PTPRN2: variants seen among roughly 807,000 people sequenced by gnomAD.
The protein encoded by PTPRN2 is protein tyrosine phosphatase receptor type N2.
Under a neutral mutation model 118.8 loss-of-function variants are expected in PTPRN2, and 74 were observed. The ratio of observed to expected loss-of-function variants is 0.62; its 90% confidence interval spans 0.52 to 0.76. The LOEUF is 0.76. PTPRN2 is among the 30% of genes least tolerant of loss of function. The probability of loss-of-function intolerance (pLI) is 0.00; values close to 1 mark genes in which losing one functional copy is unlikely to be tolerated. For synonymous variants in PTPRN2, 641 were observed against 608.0 expected (o/e 1.05, Z -0.80); for missense variants, 1,481 against 1,394.4 (o/e 1.06, Z -0.99).
At chr7:158,168,135 G>T (rs1361637700) in intron 5 of PTPRN2, among the ~76,000 whole-genome samples, 1 of 152,206 alleles carries the variant, frequency 6.6e-6, no homozygotes, top group Non-Finnish European at 1.5e-5. Flanking sequence ...CAGTTCCTCT[G>T]CATCTTTGCC....
intron 10 of PTPRN2, among the ~76,000 whole-genome samples, chr7:158,085,591 G>C (rs1425591386): frequency 1.1e-4 from 7 of 63,948 alleles, no homozygotes; most frequent in South Asian, 6.5e-4. Context: ...CGCCCATCCA[G>C]ATACCCATCC....
chr7:157,621,891 C>T (rs999827558), intron 14 of PTPRN2, among the ~76,000 whole-genome samples: 6 of 151,908 alleles, frequency 3.9e-5, no homozygotes, highest in African/African-American at 1.2e-4. Flanking sequence ...TTAAAACCGG[C>T]GCACGTTTCT....
intron 3 of PTPRN2, among the ~76,000 whole-genome samples, chr7:158,220,827 C>G (rs908646225): frequency 3.4e-5 from 5 of 146,838 alleles, no homozygotes; most frequent in African/African-American, 1.3e-4. Context: ...AAACCACCAG[C>G]ATCATTTTTC....
intron 11 of PTPRN2, among the ~76,000 whole-genome samples, chr7:158,069,714 C>T (rs1314628885): frequency 6.6e-6 from 1 of 152,248 alleles, no homozygotes; most frequent in Non-Finnish European, 1.5e-5. Flanking sequence ...AAAGAGAGTA[C>T]TTCATGAGGA....
intron 11 of PTPRN2, among the ~76,000 whole-genome samples, chr7:157,936,656 C>T (rs973772613): frequency 8.0e-6 from 1 of 124,296 alleles, no homozygotes; most frequent in Admixed American, 8.1e-5. Context: ...TGACACCTCC[C>T]GTGTCTCTTC....
intron 2 of PTPRN2, among the ~76,000 whole-genome samples, chr7:158,409,138 T>A (rs1160480805): frequency 6.6e-6 from 1 of 152,170 alleles, no homozygotes; most frequent in East Asian, 1.9e-4. Context: ...AATGCTTGGT[T>A]TACGTTAATG....
intron 3 of PTPRN2, among the ~76,000 whole-genome samples, chr7:158,273,515 GACAT>G (rs1798674998): frequency 7.3e-4 from 42 of 57,278 alleles, no homozygotes; most frequent in Non-Finnish European, 1.0e-3. Flanking sequence ...GCCGCAGACA[GACAT>G]GGGAGGAGCC....
chr7:157,648,671 C>T (rs1805333155), intron 14 of PTPRN2, among the ~76,000 whole-genome samples: 1 of 143,234 alleles, frequency 7.0e-6, no homozygotes, highest in Non-Finnish European at 1.5e-5. Flanking sequence ...GTGGGTCAGA[C>T]CCTTTCACTG....
intron 12 of PTPRN2, among the ~76,000 whole-genome samples, chr7:157,793,952 C>T (rs777463311): frequency 1.8e-4 from 27 of 152,118 alleles, no homozygotes; most frequent in Non-Finnish European, 2.6e-4. Flanking sequence ...TCAAGGCTTT[C>T]GGTGTTTCTG....
intron 11 of PTPRN2, among the ~76,000 whole-genome samples, chr7:157,950,846 G>A (rs769150622): frequency 1.2e-4 from 19 of 152,188 alleles, no homozygotes; most frequent in South Asian, 2.1e-4. Flanking sequence ...AGGTGCAGAC[G>A]CGGAAGTCAG....
intron 4 of PTPRN2, among the ~76,000 whole-genome samples, chr7:158,203,999 T>G (rs1168079153): frequency 1.3e-5 from 2 of 149,294 alleles, no homozygotes; most frequent in African/African-American, 2.5e-5. Flanking sequence ...CGCCATGTTC[T>G]GGGGAAAGAC....
intron 9 of PTPRN2, among the ~76,000 whole-genome samples, chr7:158,125,455 A>G (rs114940188): frequency 0.015 from 2,295 of 151,898 alleles, 59 homozygotes; most frequent in African/African-American, 0.053. Flanking sequence ...GGTTTGGGAG[A>G]GTTTTTGTTT....
rs186619127 is a variant in PTPRN2 at position 157,817,193 on chromosome 7, A to G, written c.1788+81480T>C. 9.2e-5 allele frequency among the ~76,000 whole-genome samples: 14 copies of G among 152,132 alleles called. No homozygotes were observed. The East Asian group carries it at 2.5e-3, about 27-fold the overall frequency. On this transcript the variant is annotated intron_variant, in intron 12 of 22. Transcript: ENST00000389418. ...TTTAAACCCAAATCCTTTCACATAA[A>G]ACCCTTCACTTGTGCTCTTAGGAGA... is the stretch of plus-strand genomic sequence containing the variant.
At chr7:157,805,203 A>C (rs1477539549) in intron 12 of PTPRN2, among the ~76,000 whole-genome samples, 1 of 152,160 alleles carries the variant, frequency 6.6e-6, no homozygotes, top group African/African-American at 2.4e-5. Context: ...CCTCTCCCCC[A>C]CAGTGCTTCT....
At chr7:157,879,561 G>A (rs905571043) in intron 12 of PTPRN2, among the ~76,000 whole-genome samples, 1 of 152,168 alleles carries the variant, frequency 6.6e-6, no homozygotes, top group Non-Finnish European at 1.5e-5. Flanking sequence ...CCCTGCAGTA[G>A]CTGGGAGTTA....
intron 3 of PTPRN2, among the ~76,000 whole-genome samples, chr7:158,265,909 C>T (rs936835861): frequency 1.3e-5 from 2 of 152,208 alleles, no homozygotes; most frequent in African/African-American, 4.8e-5. Context: ...GCGTCCACCC[C>T]ATCTGTTTGC....
chr7:157,959,325 A>C (rs932522581), intron 11 of PTPRN2, among the ~76,000 whole-genome samples: 1 of 152,232 alleles, frequency 6.6e-6, no homozygotes, highest in Non-Finnish European at 1.5e-5. Context: ...TATGACACTA[A>C]AGGCACAGGC....
chr7:157,641,263 A>G (rs1468487619), intron 14 of PTPRN2, among the ~76,000 whole-genome samples: 1 of 152,210 alleles, frequency 6.6e-6, no homozygotes, highest in Non-Finnish European at 1.5e-5. Context: ...GGGAATAAAG[A>G]AAACCCATTC....
At position 157,593,201 on chromosome 7, in the gene PTPRN2, G is replaced by A. The variant is rs540644220; in HGVS notation, c.2496+2037C>T. Among the ~76,000 whole-genome samples, 262 of 150,984 alleles carry A rather than the reference G, an allele frequency of 1.7e-3. 3 individuals are homozygous for A. Among genetic ancestry groups the A allele is most frequent in the Middle Eastern group, 3.4e-3 (1 of 290 alleles). On this transcript the variant is annotated intron_variant, in intron 17 of 22. Coordinates refer to ENST00000389418, the MANE Select transcript of PTPRN2 (RefSeq NM_002847.5). ...CGAGAGCCTTCACACAGGACGGAGGGTGGATGTGGCACCTACTGAACCGAG... is the reference window on the plus strand; with the variant it reads ...CGAGAGCCTTCACACAGGACGGAGGATGGATGTGGCACCTACTGAACCGAG...
Sources: gnomAD v4.1 joint callset for allele counts (sites outside exome capture counted in the v4.1 genomes callset) on GRCh38, gnomAD v4.1.1 for gene constraint, MANE v1.5 for transcripts, NCBI Gene and HGNC (gene_info 2026-07-23, HGNC 2026-07-21) for gene names.